Variants in KIRREL1 observed in about 807,000 individuals in gnomAD.
The protein encoded by KIRREL1 is kirre like nephrin family adhesion molecule 1, also known as kin of IRRE-like protein 1.
A neutral mutation model predicts 83.3 loss-of-function variants in KIRREL1; 25 were observed. The ratio of observed to expected loss-of-function variants is 0.30; its 90% confidence interval spans 0.22 to 0.42. The LOEUF (loss-of-function observed/expected upper bound fraction) is 0.42, where lower values mean the gene tolerates loss of function less well. KIRREL1 is among the 10% of genes least tolerant of loss of function. The pLI is 1.00. For missense variants in KIRREL1, 812 were observed against 1,032.3 expected, an observed-to-expected ratio of 0.79 and a Z score of 2.92; for synonymous variants, 388 against 410.4, an observed-to-expected ratio of 0.95 and a Z score of 0.66.
chr1:158,035,833 T>C (rs777373123), intron 1 of KIRREL1, among the ~76,000 whole-genome samples: 4 of 152,214 alleles, frequency 2.6e-5, no homozygotes, highest in South Asian at 2.1e-4. Flanking sequence ...GTCTATGTCC[T>C]AGTAGCAGTA....
chr1:158,094,525 T>G lies in KIRREL1; in HGVS notation c.1798-119T>G, dbSNP rs1571006155. 8.0e-7 allele frequency: 1 copy of G among 1,251,116 alleles called. No homozygotes were observed. Among genetic ancestry groups the G allele is most frequent in the Non-Finnish European group, 1.2e-6 (1 of 857,264 alleles). 77.5% of individuals were successfully genotyped at this position (1,251,116 alleles called of 1,614,324 possible). A position where few individuals can be genotyped will look rare whatever the true frequency, so the allele number is the denominator to read the frequency against. On this transcript the variant is annotated intron_variant, in intron 14 of 14. Coordinates refer to ENST00000359209, the MANE Select transcript of KIRREL1 (RefSeq NM_018240.7). The surrounding 1 kb of genome is among the most constrained non-coding windows in gnomAD (Gnocchi z 4.6). ...AGGGTTTTTGAAGGAGCAGAGGAGG[T>G]GGAATGCTAGATGGGGACATAGGGA...
At chr1:158,024,714 C>A (rs1256822108) in intron 1 of KIRREL1, among the ~76,000 whole-genome samples, 1 of 152,146 alleles carries the variant, frequency 6.6e-6, no homozygotes, top group Non-Finnish European at 1.5e-5. Flanking sequence ...TAGAGGAGAA[C>A]TTGAAACAGA....
At chr1:157,996,458 G>C (rs915709502) in intron 1 of KIRREL1, among the ~76,000 whole-genome samples, 2 of 152,082 alleles carry the variant, frequency 1.3e-5, no homozygotes, top group Non-Finnish European at 2.9e-5. Context: ...GCCTCCGTGG[G>C]GGGGATGGAT....
intron 3 of KIRREL1, among the ~76,000 whole-genome samples, chr1:158,079,373 G>A (rs1219101298): frequency 6.6e-6 from 1 of 152,188 alleles, no homozygotes; most frequent in East Asian, 1.9e-4. Context: ...AGGCTGGAGT[G>A]CAGTGGCATG....
chr1:158,053,755 A>G (rs1290984094), intron 1 of KIRREL1, among the ~76,000 whole-genome samples: 1 of 152,230 alleles, frequency 6.6e-6, no homozygotes, highest in African/African-American at 2.4e-5. Flanking sequence ...GCTATTCCTT[A>G]TTAATCCCTT....
intron 5 of KIRREL1, 96 bp downstream of exon 5, chr1:158,086,842 T>TGTG: frequency 8.5e-7 from 1 of 1,174,510 alleles, no homozygotes; most frequent in Admixed American, 2.1e-5. Context: ...AAACTAAGAG[T>TGTG]CCCCCTATGG....
intron 1 of KIRREL1, among the ~76,000 whole-genome samples, chr1:158,002,509 G>C (rs879302414): frequency 7.2e-5 from 11 of 152,180 alleles, no homozygotes; most frequent in South Asian, 4.1e-4. Flanking sequence ...GGTCCCACCA[G>C]GGGGGGTGAG....
At chr1:158,057,792 C>T (rs926256824) in intron 1 of KIRREL1, among the ~76,000 whole-genome samples, 1 of 152,156 alleles carries the variant, frequency 6.6e-6, no homozygotes, top group African/African-American at 2.4e-5. Flanking sequence ...TTCCAAGAGA[C>T]CTGGATTTCT....
chr1:158,057,333 G>A (rs1190595296), intron 1 of KIRREL1, among the ~76,000 whole-genome samples: 2 of 152,152 alleles, frequency 1.3e-5, no homozygotes, highest in African/African-American at 2.4e-5. Flanking sequence ...GTCTTTGGTG[G>A]TCTGCTCAGA....
At chr1:158,032,371 T>G (rs1660351686) in intron 1 of KIRREL1, among the ~76,000 whole-genome samples, 1 of 152,062 alleles carries the variant, frequency 6.6e-6, no homozygotes, top group Admixed American at 6.6e-5. Context: ...TGGCTGTGTG[T>G]TGACTCCCTG....
rs1465410889 is a variant in KIRREL1 at position 158,096,818 on chromosome 1, C to T, written c.*1698C>T. 2.2e-6 allele frequency: 1 copy of T among 456,618 alleles called. No homozygotes were observed. Among genetic ancestry groups the T allele is most frequent in the Non-Finnish European group, 4.4e-6 (1 of 226,980 alleles). 28.3% of individuals were successfully genotyped at this position (456,618 alleles called of 1,614,324 possible). A position where few individuals can be genotyped will look rare whatever the true frequency, so the allele number is the denominator to read the frequency against. ...GTTTCCCGCCTCCCCAGCTGCATGT[C>T]CAGCCCAGTGGGAGACAGGGCCTCT... On this transcript the variant is annotated 3_prime_UTR_variant, in exon 15 of 15. Transcript: ENST00000359209.
In KIRREL1 at chr1:158,076,280, C is replaced by G. The variant is rs748825421; in HGVS notation, c.202+18C>G. 22 of 1,611,602 alleles carry G rather than the reference C, an allele frequency of 1.4e-5. No individual in the cohort carries two copies. The East Asian group carries it at 3.6e-4, about 26-fold the overall frequency. ...CCTCAAAGGTGAGTGCCTGGCTACC[C>G]AACGTCCAAACTGTCCCATCTTCTC... On this transcript the variant is annotated intron_variant, in intron 2 of 14. Transcript: ENST00000359209.
intron 1 of KIRREL1, among the ~76,000 whole-genome samples, chr1:158,004,959 A>G (rs1044416858): frequency 2.0e-5 from 3 of 152,150 alleles, no homozygotes; most frequent in African/African-American, 7.2e-5. Context: ...TAAATAAATT[A>G]ATTTTAAAAA....
At chr1:158,033,371 C>T (rs1361917928) in intron 1 of KIRREL1, among the ~76,000 whole-genome samples, 1 of 152,220 alleles carries the variant, frequency 6.6e-6, no homozygotes, top group African/African-American at 2.4e-5. Flanking sequence ...CGTGCTAGGC[C>T]CCGACTCACA....
chr1:158,084,307 C>T (rs1207294797), intron 3 of KIRREL1, 115 bp from the exon 4 acceptor site: 39 of 1,006,964 alleles, frequency 3.9e-5, no homozygotes, highest in South Asian at 3.9e-4. Flanking sequence ...AGGGTGGTAC[C>T]GCCTACCTAG....
intron 1 of KIRREL1, among the ~76,000 whole-genome samples, chr1:158,061,402 G>A (rs915526354): frequency 9.2e-5 from 14 of 152,168 alleles, no homozygotes; most frequent in African/African-American, 3.4e-4. Context: ...CCTATTCCTT[G>A]GGGGTGGGCA....
chr1:158,077,651 C>A (rs530995691), intron 2 of KIRREL1, among the ~76,000 whole-genome samples: 1 of 152,236 alleles, frequency 6.6e-6, no homozygotes, highest in African/African-American at 2.4e-5. Flanking sequence ...CACACACTCG[C>A]TCTCCCTCTC....
intron 1 of KIRREL1, among the ~76,000 whole-genome samples, chr1:158,073,053 A>T (rs1487235319): frequency 6.6e-6 from 1 of 152,212 alleles, no homozygotes; most frequent in African/African-American, 2.4e-5. Context: ...TCCTGTAATC[A>T]TAAGCCAGGT....
intron 1 of KIRREL1, among the ~76,000 whole-genome samples, chr1:158,054,366 C>A (rs1450579791): frequency 6.6e-6 from 1 of 151,920 alleles, no homozygotes; most frequent in East Asian, 1.9e-4. Flanking sequence ...TTCTTGCCAA[C>A]AAGTTGCCTG....
Sources: gnomAD v4.1 joint callset for allele counts (sites outside exome capture counted in the v4.1 genomes callset) on GRCh38, gnomAD v4.1.1 for gene constraint, Gnocchi (gnomAD v3.1) non-coding constraint, MANE v1.5 for transcripts, NCBI Gene and HGNC (gene_info 2026-07-23, HGNC 2026-07-21) for gene names.